Variants in KCNH5 observed in about 807,000 individuals in gnomAD.
The protein encoded by KCNH5 is voltage-gated delayed rectifier potassium channel KCNH5.
Under a neutral mutation model 96.1 loss-of-function variants are expected in KCNH5, and 46 were observed. The ratio of observed to expected loss-of-function variants is 0.48; its 90% CI spans 0.38 to 0.61. KCNH5 has a LOEUF of 0.61. Among genes scored for constraint, KCNH5 ranks in the 20% least tolerant of loss-of-function variants. The pLI is 0.00. For synonymous variants in KCNH5, 439 were observed against 449.8 expected (o/e 0.98, Z 0.30); for missense variants, 907 against 1,225.8 (o/e 0.74, Z 3.88).
intron 8 of KCNH5, among the ~76,000 whole-genome samples, chr14:62,813,191 T>C (rs1230879939): frequency 6.6e-6 from 1 of 152,162 alleles, no homozygotes; most frequent in African/African-American, 2.4e-5. Flanking sequence ...GTATGTTGCA[T>C]GTTCTTAATA....
At chr14:62,740,506 C>G (rs1245418058) in intron 10 of KCNH5, among the ~76,000 whole-genome samples, 2 of 152,136 alleles carry the variant, frequency 1.3e-5, no homozygotes, top group Non-Finnish European at 2.9e-5. Context: ...TAAGCTTGCC[C>G]TTTCTTTTCA....
chr14:62,769,415 C>T (rs764160252), intron 10 of KCNH5, among the ~76,000 whole-genome samples: 1 of 152,320 alleles, frequency 6.6e-6, no homozygotes, highest in African/African-American at 2.4e-5. Context: ...TCAGAGCAAT[C>T]GTTTTCTCTT....
At chr14:62,779,203 G>A in intron 10 of KCNH5, among the ~76,000 whole-genome samples, 1 of 152,230 alleles carries the variant, frequency 6.6e-6, no homozygotes. Flanking sequence ...TGCAGCAGCA[G>A]TGTAAAATAA....
intron 7 of KCNH5, among the ~76,000 whole-genome samples, chr14:62,907,177 G>A (rs1337252924): frequency 6.6e-6 from 1 of 152,130 alleles, no homozygotes; most frequent in Non-Finnish European, 1.5e-5. Flanking sequence ...AACTTATCCA[G>A]GATGTTGGCT....
At chr14:62,896,353 G>A (rs918709627) in intron 7 of KCNH5, among the ~76,000 whole-genome samples, 1 of 152,182 alleles carries the variant, frequency 6.6e-6, no homozygotes, top group African/African-American at 2.4e-5. Context: ...AGATAACTGA[G>A]ATGAAAATGC....
At chr14:62,983,527 T>C (rs1019753233) in intron 5 of KCNH5, among the ~76,000 whole-genome samples, 2 of 152,116 alleles carry the variant, frequency 1.3e-5, no homozygotes, top group South Asian at 2.1e-4. Flanking sequence ...TTAATAGAAA[T>C]TGAAACATCC....
intron 7 of KCNH5, among the ~76,000 whole-genome samples, chr14:62,894,045 C>T (rs936009358): frequency 3.9e-5 from 6 of 152,124 alleles, no homozygotes; most frequent in African/African-American, 1.4e-4. Context: ...TGATTTTTTG[C>T]ATTTTTTAGC....
chr14:62,849,673 T>C lies in KCNH5; in HGVS notation c.1549A>G (p.Lys517Glu). The C allele has an allele frequency of 6.2e-7, 1 of 1,613,734 alleles. No individual in the cohort carries two copies. Among genetic ancestry groups the C allele is most frequent in the Non-Finnish European group, 8.5e-7 (1 of 1,179,750 alleles). Residue 517 changes from lysine to glutamate, a missense_variant, in exon 8 of 11, where the codon AAA (lysine) becomes GAA (glutamate). Transcript: ENST00000322893. ...DYIVSTWSMS[K>E]GIDTEKVLSI... Reference sequence around the variant, plus strand: ...CATACCTTTTCTGTATCAATGCCTTTTGACATGGACCATGTTGAGACAATA... The same window carrying C: ...CATACCTTTTCTGTATCAATGCCTTCTGACATGGACCATGTTGAGACAATA...
intron 7 of KCNH5, among the ~76,000 whole-genome samples, chr14:62,933,453 TTA>T (rs33986523): frequency 0.11 from 15,996 of 151,720 alleles, 879 homozygotes; most frequent in African/African-American, 0.13. Flanking sequence ...CACATATATA[TTA>T]TGTGTGTGTG....
intron 6 of KCNH5, among the ~76,000 whole-genome samples, chr14:62,966,539 A>G (rs765939216): frequency 5.3e-5 from 8 of 152,200 alleles, no homozygotes; most frequent in Non-Finnish European, 1.2e-4. Context: ...CTCATTCTGG[A>G]CACTGAAAAC....
At chr14:62,730,108 T>C (rs1885018603) in intron 10 of KCNH5, among the ~76,000 whole-genome samples, 1 of 152,240 alleles carries the variant, frequency 6.6e-6, no homozygotes, top group South Asian at 2.1e-4. Context: ...AACTTTTTTA[T>C]AAAATTGAAG....
Position 62,987,158 on chromosome 14 carries a change from C to T in KCNH5, c.463G>A (p.Ala155Thr), listed in dbSNP as rs2139575336. 1 of 1,613,444 alleles carries T rather than the reference C, an allele frequency of 6.2e-7. No homozygotes were observed. Among genetic ancestry groups the T allele is most frequent in the Non-Finnish European group, 8.5e-7 (1 of 1,179,568 alleles). ...GWTKFARLTR[A>T]LTNSRSVLQQ... ...AAAACACTTCGGCTATTTGTCAAAGCCCGTGTCAATCGGGCAAATTTCGTC... is the reference window on the plus strand; with the variant it reads ...AAAACACTTCGGCTATTTGTCAAAGTCCGTGTCAATCGGGCAAATTTCGTC... The change falls in exon 5 of 11, where the codon GCT (alanine) becomes ACT (threonine). Residue 155 changes from alanine (A) to threonine (T), a missense_variant. Transcript: ENST00000322893.
At chr14:62,715,576 A>G (rs1454003700) in intron 10 of KCNH5, among the ~76,000 whole-genome samples, 1 of 152,218 alleles carries the variant, frequency 6.6e-6, no homozygotes, top group East Asian at 1.9e-4. Context: ...GGCTGTCGCA[A>G]ATGACCATTC....
chr14:62,858,273 T>C lies in KCNH5; in HGVS notation c.1370-8421A>G, dbSNP rs570158296. Among the ~76,000 whole-genome samples the C allele has an allele frequency of 5.9e-5, 9 of 152,254 alleles. No homozygotes were observed. In the East Asian group the frequency reaches 1.7e-3, roughly 29 times the overall value. On this transcript the variant is annotated intron_variant, in intron 7 of 10. Transcript: ENST00000322893. ...TCAGCAAGCACTTCAGCAGGTCGTG[T>C]TTTTTCCTGGTGGAGTGACCCAAAC...
At chr14:63,003,317 G>A (rs1380638553) in intron 3 of KCNH5, among the ~76,000 whole-genome samples, 2 of 149,434 alleles carry the variant, frequency 1.3e-5, no homozygotes, top group African/African-American at 4.9e-5. Context: ...CAGGGGGCTG[G>A]GGAGTCTGGG....
At chr14:62,939,476 G>A (rs1889746900) in intron 7 of KCNH5, among the ~76,000 whole-genome samples, 1 of 152,054 alleles carries the variant, frequency 6.6e-6, no homozygotes, top group Admixed American at 6.6e-5. Flanking sequence ...TAACCTGCAG[G>A]AAAAAGAACC....
chr14:62,752,698 G>T (rs1362412629), intron 10 of KCNH5, among the ~76,000 whole-genome samples: 1 of 152,102 alleles, frequency 6.6e-6, no homozygotes, highest in Admixed American at 6.5e-5. Context: ...CTGGTGGGAG[G>T]TGATTGGATT....
At chr14:62,932,223 G>C (rs1889593322) in intron 7 of KCNH5, among the ~76,000 whole-genome samples, 1 of 152,076 alleles carries the variant, frequency 6.6e-6, no homozygotes, top group African/African-American at 2.4e-5. Context: ...GATAGAAACA[G>C]ACTATGTGGG....
intron 8 of KCNH5, among the ~76,000 whole-genome samples, chr14:62,820,699 C>T (rs554131658): frequency 7.2e-5 from 11 of 152,246 alleles, no homozygotes; most frequent in African/African-American, 2.4e-4. Flanking sequence ...CATAGTATTT[C>T]ATGGTGCATA....
Sources: allele counts gnomAD v4.1 joint callset (sites outside exome capture counted in the v4.1 genomes callset), GRCh38; gene constraint gnomAD v4.1.1; transcripts MANE v1.5; gene names NCBI Gene and HGNC (gene_info 2026-07-23, HGNC 2026-07-21).